The following ENPP3 variants were observed in gnomAD, a reference collection of about 807,000 sequenced individuals.
ENPP3 encodes ectonucleotide pyrophosphatase/phosphodiesterase family member 3.
A neutral mutation model predicts 117.8 loss-of-function variants in ENPP3; 104 were observed. The ratio of observed to expected loss-of-function variants is 0.88; its 90% CI spans 0.75 to 1.04. The LOEUF is 1.04. ENPP3 is among the 50% of genes least tolerant of loss of function. ENPP3 has a pLI of 0.00. For missense variants in ENPP3, 1,026 were observed against 1,051.9 expected (o/e 0.98, Z 0.34); for synonymous variants, 380 against 349.9 (o/e 1.09, Z -0.96).
chr6:131,647,984 T>A (rs1309239072), intron 2 of ENPP3, among the ~76,000 whole-genome samples: 2 of 151,282 alleles, frequency 1.3e-5, no homozygotes, highest in Non-Finnish European at 2.9e-5. Context: ...TCCTTTTGCC[T>A]TTCTGTCTTT....
At chr6:131,679,358 G>C (rs1411333810) in intron 11 of ENPP3, among the ~76,000 whole-genome samples, 1 of 151,980 alleles carries the variant, frequency 6.6e-6, no homozygotes, top group Admixed American at 6.6e-5. Context: ...GCCTCCCAAA[G>C]TGTTGGGATT....
rs147435449 is a variant in ENPP3 at position 131,664,101 on chromosome 6, A to G, written c.562+5681A>G. ...TATTTAAAAATGTTAACTATAAAACAGCCTCAGGCAGGTTTTTCAGGAGGT... is the reference window on the plus strand; with the variant it reads ...TATTTAAAAATGTTAACTATAAAACGGCCTCAGGCAGGTTTTTCAGGAGGT... On this transcript the variant is annotated intron_variant, in intron 6 of 24. Coordinates refer to ENST00000357639, the MANE Select transcript of ENPP3 (RefSeq NM_005021.5). Among the ~76,000 whole-genome samples the G allele has an allele frequency of 8.0e-3, 1,213 of 152,310 alleles. 12 individuals carry two copies. Among genetic ancestry groups the G allele is most frequent in the African/African-American group, 0.024 (1,014 of 41,578 alleles).
At chr6:131,655,850 T>C (rs780740387) in intron 5 of ENPP3, among the ~76,000 whole-genome samples, 1 of 152,140 alleles carries the variant, frequency 6.6e-6, no homozygotes, top group Non-Finnish European at 1.5e-5. Context: ...GGGGTGGTGG[T>C]GGTGGTCAGA....
Position 131,652,674 on chromosome 6 carries a change from A to T in ENPP3, c.403+7A>T. 1 of 1,614,024 alleles carries T rather than the reference A, an allele frequency of 6.2e-7. No homozygotes were observed. Among genetic ancestry groups the T allele is most frequent in the Non-Finnish European group, 8.5e-7 (1 of 1,179,930 alleles). The stretch of plus-strand genomic sequence containing the variant: ...TATAAGAGTGTTTGCCAAGGTGAGC[A>T]GGAGGATGTTGACTCATTTGCCCCT... On this transcript the variant is annotated splice_region_variant and intron_variant, in intron 4 of 24. Transcript: ENST00000357639.
intron 15 of ENPP3, among the ~76,000 whole-genome samples, chr6:131,705,118 AT>A (rs1218502261): frequency 2.0e-5 from 1 of 50,934 alleles, no homozygotes; most frequent in East Asian, 3.0e-4. Context: ...AGAGAGGGAA[AT>A]GGCCTGTCGG....
At chr6:131,676,085 T>C (rs888362804) in intron 9 of ENPP3, among the ~76,000 whole-genome samples, 10 of 152,136 alleles carry the variant, frequency 6.6e-5, no homozygotes, top group Admixed American at 2.6e-4. Flanking sequence ...GACATTGCAC[T>C]GGCTGTTCAC....
intron 12 of ENPP3, 113 bp from the exon 13 acceptor site, chr6:131,685,251 T>C: frequency 1.0e-6 from 1 of 952,704 alleles, no homozygotes; most frequent in South Asian, 1.6e-5. Flanking sequence ...AAATTCTCAG[T>C]GAAGCTTAGT....
chr6:131,685,229 G>T (rs1779126882), intron 12 of ENPP3, 135 bp from the exon 13 acceptor site: 6 of 763,500 alleles, frequency 7.9e-6, no homozygotes, highest in Non-Finnish European at 1.3e-5. Context: ...AGAGTAATAG[G>T]GTGAATTGCG....
At chr6:131,723,827 T>TCTCTCTCTCTCACA (rs367662326) in intron 18 of ENPP3, among the ~76,000 whole-genome samples, 10 of 145,950 alleles carry the variant, frequency 6.9e-5, no homozygotes, top group African/African-American at 2.6e-4. Flanking sequence ...TCTCTCTCTC[T>TCTCTCTCTCTCACA]CACACACACA....
At chr6:131,733,025 C>T (rs972204436) in intron 20 of ENPP3, among the ~76,000 whole-genome samples, 3 of 151,990 alleles carry the variant, frequency 2.0e-5, no homozygotes, top group Non-Finnish European at 2.9e-5. Context: ...CTGAGCCCGG[C>T]CTGGCCTAAG....
At chr6:131,674,428 GT>G (rs1355332465) in intron 8 of ENPP3, 147 bp downstream of exon 8, 2 of 747,098 alleles carry the variant, frequency 2.7e-6, no homozygotes, top group African/African-American at 1.7e-5. Flanking sequence ...ACCACTATTT[GT>G]AACTTGAATT....
chr6:131,679,678 ACT>A (rs766515496), intron 11 of ENPP3, among the ~76,000 whole-genome samples: 41 of 151,702 alleles, frequency 2.7e-4, no homozygotes, highest in Non-Finnish European at 5.6e-4. Flanking sequence ...TGGTTAGGAG[ACT>A]CTCCTCTGAG....
At chr6:131,645,576 T>C (rs1203631415) in intron 2 of ENPP3, among the ~76,000 whole-genome samples, 1 of 152,220 alleles carries the variant, frequency 6.6e-6, no homozygotes, top group Non-Finnish European at 1.5e-5. Context: ...AACAACTTGA[T>C]AGCTTCCTAA....
At position 131,683,066 on chromosome 6, in the gene ENPP3, T is replaced by C. The variant is rs1779060763; in HGVS notation, c.1024T>C (p.Leu342=). The C allele has an allele frequency of 3.7e-6, 6 of 1,604,942 alleles. No homozygotes were observed. In the East Asian group the frequency reaches 1.1e-4, roughly 30 times the overall value. The stretch of plus-strand genomic sequence containing the variant: ...AATTATTTTTCAGGTAATTAAAGCC[T>C]TACAGGTAGTAGATCATGCTTTTGG... ...GPVSARVIKA[L]QVVDHAFGML... Residue 342 remains leucine, a synonymous_variant, in exon 12 of 25, where the codon TTA becomes CTA. Transcript: ENST00000357639.
intron 14 of ENPP3, among the ~76,000 whole-genome samples, chr6:131,688,023 T>C (rs9483319): frequency 0.15 from 22,960 of 152,130 alleles, 3,834 homozygotes; most frequent in African/African-American, 0.41. Context: ...TATCCAGTGC[T>C]ATTTTTTCAA....
rs1780059296 is a variant in ENPP3, at chr6:131,722,550, T to C, written c.1746+145T>C. 1.2e-5 allele frequency: 8 copies of C among 649,690 alleles called. 1 individual carries two copies. In the South Asian group the frequency reaches 1.6e-4, roughly 13 times the overall value. The allele number at this position is 649,690 out of a possible 1,614,324, so 40.2% of individuals were successfully genotyped here. ...TAAATATATGTGGTTTCTCTGAACC[T>C]TACCTGGAAACGAGAAGTGAGAATG... On this transcript the variant is annotated intron_variant, in intron 18 of 24. Coordinates refer to ENST00000357639, the MANE Select transcript of ENPP3 (RefSeq NM_005021.5).
At chr6:131,669,999 G>T (rs1328705710) in intron 6 of ENPP3, among the ~76,000 whole-genome samples, 1 of 152,164 alleles carries the variant, frequency 6.6e-6, no homozygotes, top group Non-Finnish European at 1.5e-5. Context: ...AAAATTTCTT[G>T]TACTTCACTG....
intron 1 of ENPP3, among the ~76,000 whole-genome samples, chr6:131,637,749 C>T (rs2114271242): frequency 6.6e-6 from 1 of 152,272 alleles, no homozygotes; most frequent in South Asian, 2.1e-4. Context: ...AACTACCTCT[C>T]AATCACTTTT....
chr6:131,652,451 G>A, intron 3 of ENPP3, 91 bp from the exon 4 acceptor site: 1 of 1,273,180 alleles, frequency 7.9e-7, no homozygotes, highest in Admixed American at 2.1e-5. Context: ...GAATTTGATT[G>A]TGTTATTATA....
Sources: allele counts gnomAD v4.1 joint callset (sites outside exome capture counted in the v4.1 genomes callset), GRCh38; gene constraint gnomAD v4.1.1; transcripts MANE v1.5; gene names NCBI Gene and HGNC (gene_info 2026-07-23, HGNC 2026-07-21).